DLGAP2: variants seen among roughly 807,000 people sequenced by gnomAD.
DLGAP2 encodes the protein DLG associated protein 2.
DLGAP2 carries 26 observed loss-of-function variants against 100.3 expected under a neutral mutation model. That is an observed-to-expected ratio of 0.26 (90% CI 0.19 to 0.36). The LOEUF (loss-of-function observed/expected upper bound fraction) is 0.36. DLGAP2 is among the 10% of genes least tolerant of loss of function. The pLI is 1.00. For missense variants in DLGAP2, 1,858 were observed against 1,453.2 expected (o/e 1.28, Z -4.53); for synonymous variants, 886 against 630.1 (o/e 1.41, Z -6.08).
At chr8:1,407,488 G>T (rs1796597759) in intron 3 of DLGAP2, among the ~76,000 whole-genome samples, 1 of 146,512 alleles carries the variant, frequency 6.8e-6, no homozygotes, top group African/African-American at 2.5e-5. Flanking sequence ...GTAGTGTATT[G>T]AGTGCTTACT....
intron 1 of DLGAP2, among the ~76,000 whole-genome samples, chr8:806,012 A>T (rs554005394): frequency 2.6e-5 from 4 of 152,292 alleles, no homozygotes; most frequent in African/African-American, 7.2e-5. Flanking sequence ...GAAGAAAAAG[A>T]TAGAATGATG....
chr8:1,302,850 C>G (rs775836819), intron 3 of DLGAP2, among the ~76,000 whole-genome samples: 13 of 152,206 alleles, frequency 8.5e-5, no homozygotes, highest in Non-Finnish European at 1.8e-4. Context: ...GGAGTCGATT[C>G]TTTCCTGCTG....
intron 6 of DLGAP2, among the ~76,000 whole-genome samples, chr8:1,611,040 G>A (rs1470374525): frequency 1.4e-5 from 2 of 139,436 alleles, no homozygotes; most frequent in Non-Finnish European, 3.0e-5. Context: ...CTCATTTTAT[G>A]AGGCCAGCAT....
At chr8:1,436,096 T>C (rs1459031238) in intron 3 of DLGAP2, among the ~76,000 whole-genome samples, 3 of 152,086 alleles carry the variant, frequency 2.0e-5, no homozygotes, top group Non-Finnish European at 4.4e-5. Context: ...GGTGTATATA[T>C]GAAAGGGAGT....
At chr8:1,107,474 C>T (rs1202879272) in intron 2 of DLGAP2, among the ~76,000 whole-genome samples, 5 of 152,194 alleles carry the variant, frequency 3.3e-5, no homozygotes, top group Non-Finnish European at 7.3e-5. Flanking sequence ...CTGTGTGGGT[C>T]TCATTTGGCC....
chr8:1,050,374 C>G (rs1160533617), intron 2 of DLGAP2, among the ~76,000 whole-genome samples: 1 of 152,216 alleles, frequency 6.6e-6, no homozygotes, highest in Admixed American at 6.5e-5. Flanking sequence ...ATATATCCAA[C>G]ACTTTAGTAT....
intron 4 of DLGAP2, among the ~76,000 whole-genome samples, chr8:1,508,015 G>C (rs1348785715): frequency 1.3e-5 from 2 of 152,088 alleles, no homozygotes; most frequent in South Asian, 2.1e-4. Context: ...GCCCTGAGGT[G>C]CAGGGGAGGG....
chr8:1,232,163 G>T (rs1321677734), intron 2 of DLGAP2, among the ~76,000 whole-genome samples: 1 of 152,208 alleles, frequency 6.6e-6, no homozygotes, highest in Non-Finnish European at 1.5e-5. Flanking sequence ...ACTGGGTGGT[G>T]CTGAGCCTTT....
chr8:1,036,796 T>C (rs1802138943), intron 2 of DLGAP2, among the ~76,000 whole-genome samples: 1 of 151,986 alleles, frequency 6.6e-6, no homozygotes, highest in African/African-American at 2.4e-5. Context: ...CTAAGAAAAG[T>C]GTCAATAGGC....
intron 2 of DLGAP2, among the ~76,000 whole-genome samples, chr8:1,211,752 G>A (rs1447126632): frequency 6.6e-6 from 1 of 152,194 alleles, no homozygotes. Context: ...GCCCATGCCT[G>A]TAATCCCAGC....
At chr8:1,189,582 T>C (rs531958950) in intron 2 of DLGAP2, among the ~76,000 whole-genome samples, 3 of 152,324 alleles carry the variant, frequency 2.0e-5, no homozygotes, top group Non-Finnish European at 4.4e-5. Flanking sequence ...CTACCTTTTA[T>C]TGTGTAGAAA....
intron 2 of DLGAP2, among the ~76,000 whole-genome samples, chr8:988,695 G>A (rs1394738714): frequency 1.3e-5 from 2 of 152,098 alleles, no homozygotes; most frequent in South Asian, 2.1e-4. Flanking sequence ...CATCTGATGT[G>A]TTCCCTGCCT....
At chr8:1,575,967 C>T (rs1265951036) in intron 6 of DLGAP2, among the ~76,000 whole-genome samples, 1 of 152,080 alleles carries the variant, frequency 6.6e-6, no homozygotes, top group African/African-American at 2.4e-5. Flanking sequence ...ATTTATAGTC[C>T]TTCCGGTATA....
At chr8:1,217,812 A>AG (rs777552551) in intron 2 of DLGAP2, among the ~76,000 whole-genome samples, 1 of 152,110 alleles carries the variant, frequency 6.6e-6, no homozygotes, top group Non-Finnish European at 1.5e-5. Context: ...CTGGTGTGAG[A>AG]GGGTATCTCA....
intron 3 of DLGAP2, among the ~76,000 whole-genome samples, chr8:1,351,103 T>C (rs377410796): frequency 5.9e-4 from 6 of 10,200 alleles, no homozygotes; most frequent in African/African-American, 1.8e-3. Context: ...CCTGACTGTG[T>C]GTGGAAAGGC....
chr8:1,638,515 T>C (rs1328684624), intron 8 of DLGAP2, among the ~76,000 whole-genome samples: 2 of 152,150 alleles, frequency 1.3e-5, no homozygotes, highest in East Asian at 3.9e-4. Context: ...AGAGTCATGT[T>C]ATAATGAAGA....
chr8:1,332,401 A>G (rs1198294398), intron 3 of DLGAP2, among the ~76,000 whole-genome samples: 1 of 151,778 alleles, frequency 6.6e-6, no homozygotes, highest in Non-Finnish European at 1.5e-5. Flanking sequence ...GTGTGTCTGC[A>G]TGTGTGAGTA....
intron 2 of DLGAP2, among the ~76,000 whole-genome samples, chr8:1,081,683 T>C (rs1172898738): frequency 6.6e-6 from 1 of 152,228 alleles, no homozygotes; most frequent in Non-Finnish European, 1.5e-5. Flanking sequence ...ATTGTGTTCC[T>C]TTTCTTATTA....
At chr8:937,839 C>G (rs558474313) in intron 2 of DLGAP2, among the ~76,000 whole-genome samples, 2 of 152,282 alleles carry the variant, frequency 1.3e-5, no homozygotes, top group South Asian at 4.1e-4. Flanking sequence ...GGGATCGACT[C>G]TACGGACGCC....
Sources: allele counts gnomAD v4.1 joint callset (sites outside exome capture counted in the v4.1 genomes callset), GRCh38; gene constraint gnomAD v4.1.1; transcripts MANE v1.5; gene names NCBI Gene and HGNC (gene_info 2026-07-23, HGNC 2026-07-21).